KIAA1549: variants seen among roughly 807,000 people sequenced by gnomAD.
KIAA1549 encodes the protein UPF0606 protein KIAA1549.
KIAA1549 carries 70 observed loss-of-function variants against 156.4 expected under a neutral mutation model. The observed-to-expected ratio is 0.45, with a 90% CI of 0.37 to 0.55. KIAA1549 has a LOEUF of 0.55. KIAA1549 is among the 20% of genes least tolerant of loss of function. KIAA1549 has a pLI of 0.00. For missense variants in KIAA1549, 2,428 were observed against 2,540.9 expected, an observed-to-expected ratio of 0.96 and a Z score of 0.96; for synonymous variants, 1,103 against 1,066.4, an observed-to-expected ratio of 1.03 and a Z score of -0.67.
intron 1 of KIAA1549, among the ~76,000 whole-genome samples, chr7:138,976,927 C>A (rs760305231): frequency 2.0e-5 from 3 of 152,174 alleles, no homozygotes; most frequent in Non-Finnish European, 4.4e-5. Flanking sequence ...CCCCCACATC[C>A]CCAAATGATG....
intron 1 of KIAA1549, among the ~76,000 whole-genome samples, chr7:138,937,829 TAG>T (rs1471538028): frequency 6.6e-6 from 1 of 152,012 alleles, no homozygotes; most frequent in East Asian, 1.9e-4. Flanking sequence ...GGGCCAATGA[TAG>T]AGATTGGTGA....
intron 15 of KIAA1549, 71 bp from the exon 16 acceptor site, chr7:138,861,527 A>G (rs2130367082): frequency 1.6e-6 from 2 of 1,220,186 alleles, no homozygotes; most frequent in Non-Finnish European, 1.2e-6. Context: ...TTTTCCTGAC[A>G]TTGAGGAAAA....
At chr7:138,943,040 G>A (rs1288281754) in intron 1 of KIAA1549, among the ~76,000 whole-genome samples, 2 of 152,190 alleles carry the variant, frequency 1.3e-5, no homozygotes, top group African/African-American at 4.8e-5. Context: ...AACAACCGAT[G>A]AGCAACCAAT....
chr7:138,843,218 A>G (rs998447399), intron 18 of KIAA1549, among the ~76,000 whole-genome samples: 5 of 152,238 alleles, frequency 3.3e-5, no homozygotes, highest in Non-Finnish European at 7.3e-5. Context: ...ATATAGATGA[A>G]GAAACTGGAT....
intron 1 of KIAA1549, among the ~76,000 whole-genome samples, chr7:138,932,838 A>T (rs984289683): frequency 6.6e-6 from 1 of 152,194 alleles, no homozygotes; most frequent in Non-Finnish European, 1.5e-5. Flanking sequence ...CACTCATTCA[A>T]GTTTCAGAAG....
Position 138,926,485 on chromosome 7 carries a change from A to G in KIAA1549, c.188-7047T>C, listed in dbSNP as rs139756736. ...TTTTTAGTAGACATGGGGTTTCACC[A>G]TGTTGGCCAGACTGGCCTCAAACTC... On this transcript the variant is annotated intron_variant, in intron 1 of 19. Coordinates refer to ENST00000422774, the MANE Select transcript of KIAA1549 (RefSeq NM_001164665.2). Among the ~76,000 whole-genome samples, 227 of 152,020 alleles carry G rather than the reference A, an allele frequency of 1.5e-3. 1 individual carries two copies. The highest frequency in any genetic ancestry group is 5.0e-3 in the African/African-American group (208 of 41,448).
rs369518019 is a variant in KIAA1549, at chr7:138,917,738, G to T, written c.1888C>A (p.Pro630Thr). Residue 630 changes from proline to threonine, a missense_variant, in exon 2 of 20, where the codon CCC becomes ACC. Around this residue, in one of 5 missense-constraint regions of KIAA1549, gnomAD observed 893 missense variants for 847.9 expected, o/e 1.05. Transcript: ENST00000422774. Reference protein sequence around the residue: ...LDFASSFFSTPPLELSGSISS... With the variant: ...LDFASSFFSTTPLELSGSISS... ...ATGGAGCCGCTGAGTTCCAGCGGGG[G>T]TGTTGAGAAAAAGCTGGATGCAAAA... 1 of 1,588,440 alleles carries T rather than the reference G, an allele frequency of 6.3e-7. No homozygotes were observed. Among genetic ancestry groups the T allele is most frequent in the Non-Finnish European group, 8.6e-7 (1 of 1,167,222 alleles).
At chr7:138,904,765 A>C (rs984040326) in intron 7 of KIAA1549, among the ~76,000 whole-genome samples, 1 of 152,052 alleles carries the variant, frequency 6.6e-6, no homozygotes, top group Non-Finnish European at 1.5e-5. Context: ...CTGGGTCAGA[A>C]GATTGTCAGT....
At chr7:138,890,211 C>T (rs1261623504) in intron 10 of KIAA1549, among the ~76,000 whole-genome samples, 2 of 152,126 alleles carry the variant, frequency 1.3e-5, no homozygotes, top group Admixed American at 6.5e-5. Flanking sequence ...ATGAGAGAGA[C>T]GCCTGATGAA....
intron 7 of KIAA1549, among the ~76,000 whole-genome samples, chr7:138,904,415 C>T (rs1811949052): frequency 6.6e-6 from 1 of 152,164 alleles, no homozygotes; most frequent in Non-Finnish European, 1.5e-5. Flanking sequence ...GTGTGTTCGG[C>T]AAGGAGAACT....
rs114304075 is a variant in KIAA1549 at position 138,879,191 on chromosome 7, G to T, written c.4345+347C>A. ...TTTCTGACTGACAGTTGTGAATCCT[G>T]GAATTGGTTCCTAAGAAAGCTATTG... On this transcript the variant is annotated intron_variant, in intron 12 of 19. Coordinates refer to ENST00000422774, the MANE Select transcript of KIAA1549 (RefSeq NM_001164665.2). Among the ~76,000 whole-genome samples the T allele has an allele frequency of 7.3e-3, 1,117 of 152,260 alleles. 10 individuals are homozygous for T. Among genetic ancestry groups the T allele is most frequent in the African/African-American group, 0.024 (1,010 of 41,552 alleles).
Position 138,868,138 on chromosome 7 carries a change from A to G in KIAA1549, c.4776-10T>C. On this transcript the variant is annotated splice_polypyrimidine_tract_variant and intron_variant, in intron 14 of 19. Transcript: ENST00000422774. ...ACGTTTTATCCGTGAGCTGCCAGGA[A>G]AAAGAGAAATTATCTTCGTAGGAAA... 6.2e-7 allele frequency: 1 copy of G among 1,610,920 alleles called. No individual in the cohort carries two copies. The highest frequency in any genetic ancestry group is 8.5e-7 in the Non-Finnish European group (1 of 1,178,858).
At chr7:138,930,741 C>T (rs1384055787) in intron 1 of KIAA1549, among the ~76,000 whole-genome samples, 1 of 152,218 alleles carries the variant, frequency 6.6e-6, no homozygotes, top group Non-Finnish European at 1.5e-5. Context: ...ACCATTCAAG[C>T]TTTCTCCGTA....
chr7:138,861,499 T>G (rs1420269028), intron 15 of KIAA1549, 43 bp from the exon 16 acceptor site: 3 of 1,495,756 alleles, frequency 2.0e-6, no homozygotes, highest in Non-Finnish European at 2.8e-6. Context: ...CATGAGTTTT[T>G]GTGGCAACCC....
At position 138,861,156 on chromosome 7, in the gene KIAA1549, C is replaced by A. The variant is rs1429794047; in HGVS notation, c.5230G>T (p.Ala1744Ser). 5 of 1,613,620 alleles carry A rather than the reference C, an allele frequency of 3.1e-6. No individual in the cohort carries two copies. Among genetic ancestry groups the A allele is most frequent in the African/African-American group, 1.3e-5 (1 of 74,922 alleles). Residue 1744 changes from alanine to serine, a missense_variant, in exon 16 of 20, where the codon GCC becomes TCC. Physicochemically the swap from Ala to Ser is moderately conservative, Grantham distance 99. Coordinates refer to ENST00000422774, the MANE Select transcript of KIAA1549 (RefSeq NM_001164665.2). ...GTACTTACACTGCAGGGATTGTTGG[C>A]CGTCTGGGCTGGGCTGTAGAAGGAC... is the stretch of plus-strand genomic sequence containing the variant. ...WGSFYSPAQTANNPCSRYEDY... is the reference protein window; with the variant it reads ...WGSFYSPAQTSNNPCSRYEDY...
chr7:138,935,149 C>T (rs1812973603), intron 1 of KIAA1549, among the ~76,000 whole-genome samples: 1 of 152,212 alleles, frequency 6.6e-6, no homozygotes, highest in Admixed American at 6.5e-5. Flanking sequence ...AAAACAATGA[C>T]TGCAACCAAA....
chr7:138,900,303 C>T (rs376012880), intron 8 of KIAA1549, among the ~76,000 whole-genome samples: 245 of 152,296 alleles, frequency 1.6e-3, no homozygotes, highest in African/African-American at 5.1e-3. Flanking sequence ...CTTTATGCTT[C>T]GTCCTGAGAA....
intron 13 of KIAA1549, among the ~76,000 whole-genome samples, chr7:138,869,970 C>G (rs1183912514): frequency 6.6e-6 from 1 of 152,198 alleles, no homozygotes; most frequent in Non-Finnish European, 1.5e-5. Context: ...CTGTCTCAGC[C>G]TGCCGAGTAG....
chr7:138,896,510 C>T (rs529539793), intron 9 of KIAA1549, among the ~76,000 whole-genome samples: 9 of 152,012 alleles, frequency 5.9e-5, no homozygotes, highest in East Asian at 1.9e-4. Context: ...ATAAAAGCAA[C>T]GGACAATATA....
Sources: allele counts gnomAD v4.1 joint callset (sites outside exome capture counted in the v4.1 genomes callset), GRCh38; gene constraint gnomAD v4.1.1; regional missense constraint gnomAD v4.1.1; transcripts MANE v1.5; gene names NCBI Gene and HGNC (gene_info 2026-07-23, HGNC 2026-07-21).